PKHD1L1: variants seen among roughly 807,000 people sequenced by gnomAD.
PKHD1L1 encodes fibrocystin-L.
In PKHD1L1, 434 loss-of-function variants were observed where a neutral mutation model predicts 462.9. That is an observed-to-expected ratio of 0.94 (90% confidence interval 0.87 to 1.02). The LOEUF (loss-of-function observed/expected upper bound fraction) is 1.02. Among genes scored for constraint, PKHD1L1 ranks in the 50% least tolerant of loss-of-function variants. PKHD1L1 has a pLI of 0.00. For synonymous variants in PKHD1L1, 1,781 were observed against 1,750.0 expected (o/e 1.02, Z -0.44); for missense variants, 5,202 against 5,096.1 (o/e 1.02, Z -0.63).
intron 9 of PKHD1L1, among the ~76,000 whole-genome samples, chr8:109,393,728 C>A (rs547456072): frequency 6.6e-6 from 1 of 152,110 alleles, no homozygotes; most frequent in African/African-American, 2.4e-5. Flanking sequence ...AAAGATCAAA[C>A]GGCATAATCA....
At chr8:109,530,049 A>G in intron 77 of PKHD1L1, 31 bp from the exon 78 acceptor site, 1 of 1,288,134 alleles carries the variant, frequency 7.8e-7, no homozygotes, top group South Asian at 1.9e-5. Flanking sequence ...TTTCTACTTA[A>G]AAATTGTTTT....
chr8:109,454,931 ATAATT>A, intron 45 of PKHD1L1, 79 bp downstream of exon 45: 1 of 1,470,360 alleles, frequency 6.8e-7, no homozygotes, highest in Non-Finnish European at 9.1e-7. Context: ...TGTGATAATT[ATAATT>A]TATCCTGTGA....
chr8:109,526,383 C>A (rs766569153), intron 76 of PKHD1L1, among the ~76,000 whole-genome samples: 6 of 152,166 alleles, frequency 3.9e-5, no homozygotes, highest in Middle Eastern at 3.2e-3. Flanking sequence ...AACCCCACCT[C>A]CCCCAACTGA....
At chr8:109,434,176 C>T (rs1815265037) in intron 28 of PKHD1L1, among the ~76,000 whole-genome samples, 1 of 151,910 alleles carries the variant, frequency 6.6e-6, no homozygotes. Context: ...TGCAGCAAAC[C>T]ACGATGATAT....
chr8:109,364,333 T>C (rs1811121680), intron 1 of PKHD1L1, among the ~76,000 whole-genome samples: 1 of 152,238 alleles, frequency 6.6e-6, no homozygotes, highest in Non-Finnish European at 1.5e-5. Context: ...GCACCTAAGA[T>C]AGTGCTTTGC....
At chr8:109,500,371 C>T (rs1819338064) in intron 67 of PKHD1L1, among the ~76,000 whole-genome samples, 1 of 151,100 alleles carries the variant, frequency 6.6e-6, no homozygotes, top group Non-Finnish European at 1.5e-5. Flanking sequence ...TGGCTCAGAC[C>T]CTCATTCCTG....
Position 109,373,154 on chromosome 8 carries a change from A to G in PKHD1L1, c.164-8216A>G, listed in dbSNP as rs558911340. 6.4e-3 allele frequency among the ~76,000 whole-genome samples: 968 copies of G among 152,138 alleles called. 7 individuals are homozygous for G. The highest frequency in any genetic ancestry group is 0.054 in the Middle Eastern group (16 of 294). On this transcript the variant is annotated intron_variant, in intron 2 of 77. Coordinates refer to ENST00000378402, the MANE Select transcript of PKHD1L1 (RefSeq NM_177531.6). ...GGTCCTGGACTTTTTTTGGTTGGTA[A>G]GCTATTAATTATTGCCTCAATTTCA...
intron 2 of PKHD1L1, among the ~76,000 whole-genome samples, chr8:109,375,488 T>C (rs1224863567): frequency 6.6e-6 from 1 of 152,192 alleles, no homozygotes; most frequent in Non-Finnish European, 1.5e-5. Context: ...TCTGAAGCCT[T>C]CTTCTCTCAA....
intron 2 of PKHD1L1, among the ~76,000 whole-genome samples, chr8:109,367,006 A>G (rs1484794164): frequency 6.6e-6 from 1 of 152,160 alleles, no homozygotes; most frequent in African/African-American, 2.4e-5. Flanking sequence ...TTATGGTTTT[A>G]TGGGTATATA....
At position 109,401,511 on chromosome 8, in the gene PKHD1L1, T is replaced by C; in HGVS notation, c.1296T>C (p.Tyr432=). 6.3e-7 allele frequency: 1 copy of C among 1,577,544 alleles called. No individual in the cohort carries two copies. Among genetic ancestry groups the C allele is most frequent in the Non-Finnish European group, 8.7e-7 (1 of 1,148,624 alleles). The part of the protein sequence containing the change: ...GLPEDKVRIA[Y]HSANANSYFS... ...TCTCGGATTAGGTGAGGATTGCATATCATTCTGCTAATGCCAACAGTTATT... is the reference window on the plus strand; with the variant it reads ...TCTCGGATTAGGTGAGGATTGCATACCATTCTGCTAATGCCAACAGTTATT... Residue 432 remains tyrosine (Y), a synonymous_variant, in exon 14 of 78, where the codon TAT becomes TAC. Transcript: ENST00000378402.
At chr8:109,427,181 C>A in intron 25 of PKHD1L1, 25 bp downstream of exon 25, 1 of 1,569,184 alleles carries the variant, frequency 6.4e-7, no homozygotes, top group Non-Finnish European at 8.8e-7. Context: ...CTTGGCTTCT[C>A]TTTTCTTCTA....
chr8:109,421,853 A>G (rs887699479), intron 23 of PKHD1L1, among the ~76,000 whole-genome samples: 4 of 152,062 alleles, frequency 2.6e-5, no homozygotes, highest in African/African-American at 9.7e-5. Context: ...AAATTCTCCC[A>G]TTTTTCAAGA....
chr8:109,385,513 T>G, intron 5 of PKHD1L1, 24 bp from the exon 6 acceptor site: 1 of 1,467,006 alleles, frequency 6.8e-7, no homozygotes, highest in Non-Finnish European at 9.4e-7. Flanking sequence ...ACAGAATCTT[T>G]TTGGGGTTTT....
chr8:109,489,878 T>C (rs1016263845), intron 59 of PKHD1L1, 74 bp from the exon 60 acceptor site: 3 of 901,688 alleles, frequency 3.3e-6, no homozygotes, highest in Non-Finnish European at 5.3e-6. Flanking sequence ...TTGAACAACT[T>C]TGTGTAGCTT....
At chr8:109,449,959 G>C (rs567406923) in intron 40 of PKHD1L1, among the ~76,000 whole-genome samples, 2 of 152,286 alleles carry the variant, frequency 1.3e-5, no homozygotes, top group Admixed American at 6.5e-5. Flanking sequence ...CTGGACTGTT[G>C]TCAGGTTTTA....
rs200560075 is a variant in PKHD1L1, at chr8:109,466,595, G to A, written c.8431G>A (p.Val2811Ile). The A allele has an allele frequency of 6.7e-5, 107 of 1,597,482 alleles. No individual in the cohort carries two copies. Among genetic ancestry groups the A allele is most frequent in the African/African-American group, 1.9e-4 (14 of 74,380 alleles). Residue 2811 changes from valine (V) to isoleucine (I), a missense_variant, in exon 50 of 78, where the codon GTC becomes ATC. Val to Ile is a conservative substitution (Grantham distance 29). This residue lies in a region of PKHD1L1 where 4,497 missense variants were observed against 4,336.8 expected (regional missense o/e 1.04). Coordinates refer to ENST00000378402, the MANE Select transcript of PKHD1L1 (RefSeq NM_177531.6). ...GSLTGHKGHT[V>I]IPHSSLLDPS... is the part of the protein sequence containing the mutation. ...TTTCCCAGGGCACAAAGGACATACC[G>A]TCATTCCACACAGCTCATTGCTAGA...
chr8:109,370,836 A>G (rs1811467039), intron 2 of PKHD1L1, among the ~76,000 whole-genome samples: 2 of 152,118 alleles, frequency 1.3e-5, no homozygotes, highest in African/African-American at 2.4e-5. Flanking sequence ...AAGGACATGA[A>G]CTCATCAATT....
chr8:109,385,733 T>C lies in PKHD1L1; in HGVS notation c.569+103T>C, dbSNP rs771337402. The C allele has an allele frequency of 7.1e-5, 48 of 676,372 alleles. No individual in the cohort carries two copies. The Admixed American group carries it at 7.5e-4, about 11-fold the overall frequency. The allele number at this position is 676,372 out of a possible 1,614,324, so 41.9% of individuals were successfully genotyped here. On this transcript the variant is annotated intron_variant, in intron 6 of 77. Transcript: ENST00000378402. The stretch of plus-strand genomic sequence containing the variant: ...TATTAAATCCCATTACAATGTAATA[T>C]AACTAACCAGTGTTTTTTTTTTCAG...
chr8:109,389,022 A>C, intron 7 of PKHD1L1, 57 bp from the exon 8 acceptor site: 1 of 1,172,858 alleles, frequency 8.5e-7, no homozygotes, highest in Non-Finnish European at 1.2e-6. Context: ...AGAGAAACAC[A>C]ATATTCTAAA....
Sources: allele counts gnomAD v4.1 joint callset (sites outside exome capture counted in the v4.1 genomes callset), GRCh38; gene constraint gnomAD v4.1.1; regional missense constraint gnomAD v4.1.1; transcripts MANE v1.5; gene names NCBI Gene and HGNC (gene_info 2026-07-23, HGNC 2026-07-21).